Variants in TMPRSS2 observed in about 807,000 individuals in gnomAD.
The protein encoded by TMPRSS2 is transmembrane protease serine 2.
In TMPRSS2, 59 loss-of-function variants were observed where a neutral mutation model predicts 67.4. The observed-to-expected ratio is 0.88, with a 90% CI of 0.71 to 1.09. The LOEUF (loss-of-function observed/expected upper bound fraction) is 1.09. TMPRSS2 is among the 50% of genes least tolerant of loss of function. TMPRSS2 has a pLI of 0.00. For missense variants in TMPRSS2, 668 were observed against 642.7 expected (o/e 1.04, Z -0.43); for synonymous variants, 257 against 257.0 (o/e 1.00, Z 0.00).
intron 3 of TMPRSS2, among the ~76,000 whole-genome samples, chr21:41,491,211 C>G (rs979246544): frequency 7.3e-6 from 1 of 137,490 alleles, no homozygotes; most frequent in African/African-American, 2.7e-5. Flanking sequence ...GGCTGGAATG[C>G]AGTGGCACAA....
In TMPRSS2 at chr21:41,480,466, C is replaced by T. The variant is rs776238499; in HGVS notation, c.572+10G>A. On this transcript the variant is annotated intron_variant, in intron 6 of 13. Transcript: ENST00000332149. ...TTACTGTCACTCGGCGGGTGCTGCC[C>T]CATACTCACTTATAGCCCATGTCCC... The T allele has an allele frequency of 3.7e-6, 6 of 1,613,226 alleles. No homozygotes were observed. In the South Asian group the frequency reaches 6.6e-5, roughly 18 times the overall value.
intron 13 of TMPRSS2, among the ~76,000 whole-genome samples, chr21:41,467,015 G>T (rs2091090611): frequency 6.6e-6 from 1 of 152,134 alleles, no homozygotes; most frequent in Non-Finnish European, 1.5e-5. Flanking sequence ...CCTAACCTTG[G>T]GGGCTGCCCA....
At position 41,491,096 on chromosome 21, in the gene TMPRSS2, T is replaced by C. The variant is rs541396507; in HGVS notation, c.239-1503A>G. Among the ~76,000 whole-genome samples the C allele has an allele frequency of 2.0e-5, 3 of 152,046 alleles. No homozygotes were observed. The East Asian group carries it at 5.8e-4, about 29-fold the overall frequency. ...AAGAATTACCTGGGGAATGTGGTGGTTCCCATCACCAGAGATTCTGTTTCA... is the reference window on the plus strand; with the variant it reads ...AAGAATTACCTGGGGAATGTGGTGGCTCCCATCACCAGAGATTCTGTTTCA... On this transcript the variant is annotated intron_variant, in intron 3 of 13. Coordinates refer to ENST00000332149, the MANE Select transcript of TMPRSS2 (RefSeq NM_005656.4).
At chr21:41,481,617 T>A (rs1420955389) in intron 5 of TMPRSS2, among the ~76,000 whole-genome samples, 1 of 152,222 alleles carries the variant, frequency 6.6e-6, no homozygotes, top group Non-Finnish European at 1.5e-5. Context: ...TTAAATTTTA[T>A]GGTACATACA....
At chr21:41,493,553 A>G (rs2091355234) in intron 3 of TMPRSS2, among the ~76,000 whole-genome samples, 1 of 152,230 alleles carries the variant, frequency 6.6e-6, no homozygotes. Context: ...CAGGATGCAC[A>G]TTTCACAAAA....
rs565603164 is a variant in TMPRSS2, at chr21:41,483,447, T to A, written c.446-2845A>T. On this transcript the variant is annotated intron_variant, in intron 5 of 13. Coordinates refer to ENST00000332149, the MANE Select transcript of TMPRSS2 (RefSeq NM_005656.4). Reference sequence around the variant, plus strand: ...TACAGGCATGCACCACCACGCCGGCTAATTTTGTATTTTTAGTAGAGACGG... The same window carrying A: ...TACAGGCATGCACCACCACGCCGGCAAATTTTGTATTTTTAGTAGAGACGG... 2.6e-5 allele frequency among the ~76,000 whole-genome samples: 4 copies of A among 152,160 alleles called. No individual in the cohort carries two copies. The South Asian group carries it at 8.3e-4, about 32-fold the overall frequency.
At chr21:41,493,979 G>C (rs2838041) in intron 3 of TMPRSS2, among the ~76,000 whole-genome samples, 10,531 of 152,260 alleles carry the variant, frequency 0.069, 634 homozygotes, top group African/African-American at 0.16. Context: ...GTATGACAAA[G>C]GTAAGATAGT....
intron 13 of TMPRSS2, among the ~76,000 whole-genome samples, chr21:41,466,473 C>T (rs1015723828): frequency 2.0e-5 from 3 of 152,224 alleles, no homozygotes; most frequent in Non-Finnish European, 4.4e-5. Flanking sequence ...CACCTGCAGC[C>T]GCCAAACACA....
chr21:41,498,452 T>A (rs547257017), intron 1 of TMPRSS2, among the ~76,000 whole-genome samples: 1 of 152,008 alleles, frequency 6.6e-6, no homozygotes, highest in African/African-American at 2.4e-5. Flanking sequence ...TGGGGTGCAA[T>A]TGTAAGTGCA....
chr21:41,495,445 GA>G (rs1186120389), intron 2 of TMPRSS2, among the ~76,000 whole-genome samples: 11 of 152,096 alleles, frequency 7.2e-5, no homozygotes, highest in Non-Finnish European at 1.3e-4. Context: ...CCAACATGGT[GA>G]AACCCCATCT....
chr21:41,467,973 C>A, intron 12 of TMPRSS2, 87 bp from the exon 13 acceptor site: 5 of 1,494,646 alleles, frequency 3.3e-6, no homozygotes, highest in Non-Finnish European at 4.6e-6. Flanking sequence ...AGTTGGGGGG[C>A]GGGGGTCGCA....
Position 41,466,179 on chromosome 21 carries a change from G to C in TMPRSS2, c.1468-26C>G, listed in dbSNP as rs1555890540. Reference sequence around the variant, plus strand: ...CTGTTCAAATAGGAAAAAAAAAAGTGTGTTATTTTCTTAAGACAAACAAAG... The same window carrying C: ...CTGTTCAAATAGGAAAAAAAAAAGTCTGTTATTTTCTTAAGACAAACAAAG... On this transcript the variant is annotated intron_variant, in intron 13 of 13. Coordinates refer to ENST00000332149, the MANE Select transcript of TMPRSS2 (RefSeq NM_005656.4). 4 of 1,612,994 alleles carry C rather than the reference G, an allele frequency of 2.5e-6. No homozygotes were observed. In the East Asian group the frequency reaches 8.9e-5, roughly 36 times the overall value.
At chr21:41,494,272 G>A (rs962369303) in intron 3 of TMPRSS2, 84 bp downstream of exon 3, 9 of 1,413,248 alleles carry the variant, frequency 6.4e-6, no homozygotes, top group Admixed American at 4.2e-5. Context: ...TGGCGACAGT[G>A]GTGTTGGGAG....
intron 1 of TMPRSS2, 123 bp downstream of exon 1, chr21:41,507,958 C>T (rs947759710): frequency 1.4e-6 from 2 of 1,477,940 alleles, no homozygotes; most frequent in Middle Eastern, 2.0e-4. Context: ...ACCTGCCGCG[C>T]CGCGCTCCTC....
At chr21:41,472,117 G>T in intron 9 of TMPRSS2, 136 bp from the exon 10 acceptor site, 1 of 792,772 alleles carries the variant, frequency 1.3e-6, no homozygotes, top group Non-Finnish European at 1.9e-6. Flanking sequence ...GGGAGATAGT[G>T]GAAGAGGTGC....
intron 1 of TMPRSS2, among the ~76,000 whole-genome samples, chr21:41,501,540 C>T (rs759773890): frequency 3.3e-4 from 47 of 143,006 alleles, no homozygotes; most frequent in Non-Finnish European, 6.3e-4. Flanking sequence ...ACCTGGGAGG[C>T]AGAGGTTGCA....
rs371965055 is a variant in TMPRSS2, at chr21:41,475,871, C to T, written c.727+706G>A. Among the ~76,000 whole-genome samples, 274 of 151,934 alleles carry T rather than the reference C, an allele frequency of 1.8e-3. 14 individuals are homozygous for T. In the South Asian group the frequency reaches 0.055, roughly 30 times the overall value. On this transcript the variant is annotated intron_variant, in intron 8 of 13. Transcript: ENST00000332149. ...GCACCCTTGGGGCTGTGCTGGACCCCCACTCAGGACCTAAAGAAGACCTGA... is the reference window on the plus strand; with the variant it reads ...GCACCCTTGGGGCTGTGCTGGACCCTCACTCAGGACCTAAAGAAGACCTGA...
intron 4 of TMPRSS2, among the ~76,000 whole-genome samples, chr21:41,489,027 G>A (rs1170581429): frequency 6.6e-6 from 1 of 152,184 alleles, no homozygotes; most frequent in Non-Finnish European, 1.5e-5. Context: ...ACTTCCGTGG[G>A]GGCAATGGGA....
At chr21:41,499,572 T>G (rs1446956975) in intron 1 of TMPRSS2, among the ~76,000 whole-genome samples, 2 of 152,144 alleles carry the variant, frequency 1.3e-5, no homozygotes, top group African/African-American at 4.8e-5. Flanking sequence ...TCCTGTTTGG[T>G]TGGTTTAGCC....
Sources: allele counts gnomAD v4.1 joint callset (sites outside exome capture counted in the v4.1 genomes callset), GRCh38; gene constraint gnomAD v4.1.1; transcripts MANE v1.5; gene names NCBI Gene and HGNC (gene_info 2026-07-23, HGNC 2026-07-21).